Variants in ACSS3 observed in about 807,000 individuals in gnomAD.
The protein encoded by ACSS3 is acyl-CoA synthetase short chain family member 3, also known as acyl-CoA synthetase short-chain family member 3, mitochondrial.
ACSS3 carries 64 observed loss-of-function variants against 84.2 expected under a neutral mutation model. The ratio of observed to expected loss-of-function variants is 0.76; its 90% CI spans 0.62 to 0.94. The LOEUF is 0.94. ACSS3 is among the 40% of genes least tolerant of loss of function. The pLI, the probability that ACSS3 is intolerant of heterozygous loss-of-function variation, is 0.00. For missense variants in ACSS3, 815 were observed against 867.6 expected, an observed-to-expected ratio of 0.94 and a Z score of 0.76; for synonymous variants, 317 against 310.1, an observed-to-expected ratio of 1.02 and a Z score of -0.23.
intron 2 of ACSS3, among the ~76,000 whole-genome samples, chr12:81,115,156 GA>G (rs1418125403): frequency 1.3e-5 from 2 of 152,098 alleles, no homozygotes; most frequent in African/African-American, 4.8e-5. Context: ...AAATTTTGTT[GA>G]CAATATTTAT....
At chr12:81,106,973 G>C (rs1413344959) in intron 1 of ACSS3, among the ~76,000 whole-genome samples, 1 of 150,302 alleles carries the variant, frequency 6.7e-6, no homozygotes, top group Non-Finnish European at 1.5e-5. Flanking sequence ...GGAGGAGCAA[G>C]TTTGCAGTTG....
chr12:81,144,088 A>G (rs1280249785), intron 5 of ACSS3, among the ~76,000 whole-genome samples: 1 of 152,196 alleles, frequency 6.6e-6, no homozygotes, highest in Non-Finnish European at 1.5e-5. Flanking sequence ...TTAGATTGCT[A>G]TAGCATCAGT....
intron 2 of ACSS3, among the ~76,000 whole-genome samples, chr12:81,125,221 A>AAAAC (rs1565990624): frequency 3.4e-4 from 52 of 152,108 alleles, no homozygotes; most frequent in African/African-American, 1.1e-3. Context: ...CTCAAAAAAA[A>AAAAC]AAAACAAAAC....
At chr12:81,172,678 A>T (rs1472981696) in intron 7 of ACSS3, among the ~76,000 whole-genome samples, 1 of 152,192 alleles carries the variant, frequency 6.6e-6, no homozygotes, top group Non-Finnish European at 1.5e-5. Flanking sequence ...TGTCATAATT[A>T]TCTAAAACAT....
intron 8 of ACSS3, among the ~76,000 whole-genome samples, chr12:81,181,768 A>AAAAAAAAAAAAAAAAAAAG (rs1555178623): frequency 7.0e-6 from 1 of 143,612 alleles, no homozygotes; most frequent in Non-Finnish European, 1.5e-5. Context: ...AAAAAAAAAA[A>AAAAAAAAAAAAAAAAAAAG]GCAATAGAGA....
At chr12:81,113,863 A>G (rs1883809300) in intron 2 of ACSS3, among the ~76,000 whole-genome samples, 1 of 152,116 alleles carries the variant, frequency 6.6e-6, no homozygotes, top group African/African-American at 2.4e-5. Flanking sequence ...TCTAGAGGAC[A>G]TGTATGTTTT....
chr12:81,141,902 A>C (rs1342936501), intron 4 of ACSS3, among the ~76,000 whole-genome samples: 1 of 152,202 alleles, frequency 6.6e-6, no homozygotes, highest in Non-Finnish European at 1.5e-5. Flanking sequence ...TGAAACTTCA[A>C]CTTGATACAG....
chr12:81,192,267 G>T (rs1007002494), intron 8 of ACSS3, among the ~76,000 whole-genome samples: 1 of 152,230 alleles, frequency 6.6e-6, no homozygotes, highest in Middle Eastern at 3.4e-3. Flanking sequence ...TGTAATCCCA[G>T]CTACTTGGGA....
At chr12:81,178,172 G>A (rs1345049991) in intron 8 of ACSS3, among the ~76,000 whole-genome samples, 4 of 150,992 alleles carry the variant, frequency 2.6e-5, no homozygotes, top group Non-Finnish European at 5.9e-5. Flanking sequence ...TAGGGACATG[G>A]ATGAAATTGG....
At chr12:81,142,794 A>G (rs541002693) in intron 4 of ACSS3, among the ~76,000 whole-genome samples, 2 of 152,230 alleles carry the variant, frequency 1.3e-5, no homozygotes, top group Non-Finnish European at 2.9e-5. Context: ...TAAAAACATG[A>G]AACGTTATTT....
At chr12:81,118,353 G>C (rs973600101) in intron 2 of ACSS3, among the ~76,000 whole-genome samples, 2 of 152,134 alleles carry the variant, frequency 1.3e-5, no homozygotes, top group African/African-American at 4.8e-5. Flanking sequence ...TCATCTTATA[G>C]CTCATTGCCT....
chr12:81,254,877 CCCCAG>C lies in ACSS3; in HGVS notation c.2018_2022del (p.Pro673HisfsTer25). The C allele has an allele frequency of 6.2e-7, 1 of 1,608,970 alleles. No homozygotes were observed. Among genetic ancestry groups the C allele is most frequent in the Non-Finnish European group, 8.5e-7 (1 of 1,177,554 alleles). ...TCCAGATAACTTCTACAATTGAAGACCCCAGCATTTTTGGCCACGTAGAAGAAATG... is the reference window on the plus strand; with the variant it reads ...TCCAGATAACTTCTACAATTGAAGACCATTTTTGGCCACGTAGAAGAAATG... On this transcript the variant is annotated frameshift_variant, in exon 16 of 16. Coordinates refer to ENST00000548058, the MANE Select transcript of ACSS3 (RefSeq NM_024560.4). LOFTEE classifies it high-confidence loss of function.
At chr12:81,089,365 C>T (rs910589217) in intron 1 of ACSS3, among the ~76,000 whole-genome samples, 10 of 151,758 alleles carry the variant, frequency 6.6e-5, no homozygotes, top group African/African-American at 2.4e-4. Context: ...GTGGAGAAAC[C>T]TTGATTAATG....
In ACSS3 at chr12:81,255,133, T is replaced by C. The variant is rs1248539085; in HGVS notation, c.*211T>C. 8 of 437,194 alleles carry C rather than the reference T, an allele frequency of 1.8e-5. No individual in the cohort carries two copies. The highest frequency in any genetic ancestry group is 2.8e-5 in the Non-Finnish European group (7 of 248,156). 27.1% of individuals were successfully genotyped at this position (437,194 alleles called of 1,614,324 possible). A position where few individuals can be genotyped will look rare whatever the true frequency, so the allele number is the denominator to read the frequency against. The stretch of plus-strand genomic sequence containing the variant: ...ACCCTGTTAGCATTGTTATTAGTTA[T>C]CTATAACATGGCTTATTGAATGTCA... On this transcript the variant is annotated 3_prime_UTR_variant, in exon 16 of 16. Coordinates refer to ENST00000548058, the MANE Select transcript of ACSS3 (RefSeq NM_024560.4).
chr12:81,193,911 G>A lies in ACSS3; in HGVS notation c.1251-5430G>A, dbSNP rs12310908. 4.1e-3 allele frequency among the ~76,000 whole-genome samples: 626 copies of A among 151,506 alleles called. 2 individuals carry two copies. The highest frequency in any genetic ancestry group is 0.014 in the African/African-American group (577 of 41,352). On this transcript the variant is annotated intron_variant, in intron 8 of 15. Coordinates refer to ENST00000548058, the MANE Select transcript of ACSS3 (RefSeq NM_024560.4). Reference sequence around the variant, plus strand: ...CTTAGGTAAATTTACCATCCAGAGGGCCCAAATTACTCTACAAAAATGTCT... The same window carrying A: ...CTTAGGTAAATTTACCATCCAGAGGACCCAAATTACTCTACAAAAATGTCT...
At chr12:81,233,055 A>C (rs1262411490) in intron 12 of ACSS3, among the ~76,000 whole-genome samples, 1 of 151,714 alleles carries the variant, frequency 6.6e-6, no homozygotes. Context: ...ATTAGTATTG[A>C]GCTATTACTT....
At chr12:81,196,754 C>G (rs1192693157) in intron 8 of ACSS3, among the ~76,000 whole-genome samples, 1 of 152,022 alleles carries the variant, frequency 6.6e-6, no homozygotes, top group African/African-American at 2.4e-5. Flanking sequence ...GAGCAGGCAT[C>G]TCACATAGCG....
rs1033035321 is a variant in ACSS3 at position 81,193,330 on chromosome 12, C to G, written c.1251-6011C>G. 3.3e-5 allele frequency among the ~76,000 whole-genome samples: 5 copies of G among 151,958 alleles called. No individual in the cohort carries two copies. The South Asian group carries it at 1.0e-3, about 31-fold the overall frequency. Reference sequence around the variant, plus strand: ...TTATGGACCTTGAAGGAAATATTCACTTTTATTTTTTATTTTTTTGCCCTC... The same window carrying G: ...TTATGGACCTTGAAGGAAATATTCAGTTTTATTTTTTATTTTTTTGCCCTC... On this transcript the variant is annotated intron_variant, in intron 8 of 15. Coordinates refer to ENST00000548058, the MANE Select transcript of ACSS3 (RefSeq NM_024560.4).
In ACSS3 at chr12:81,216,927, T is replaced by C. The variant is rs752879154; in HGVS notation, c.1381T>C (p.Cys461Arg). ...TETGSPITAS[C>R]VGLGNSKTPP... ...GACTGGATCTCCAATTACTGCGTCA[T>C]GTGTTGGATTAGGCAATTCTAAAAC... Residue 461 changes from cysteine to arginine, a missense_variant, in exon 10 of 16, where the codon TGT (cysteine) becomes CGT (arginine). Cys to Arg is a radical substitution (Grantham distance 180). Transcript: ENST00000548058. 1.2e-6 allele frequency: 2 copies of C among 1,610,900 alleles called. No homozygotes were observed.
Sources: gnomAD v4.1 joint callset for allele counts (sites outside exome capture counted in the v4.1 genomes callset) on GRCh38, gnomAD v4.1.1 for gene constraint, MANE v1.5 for transcripts, NCBI Gene and HGNC (gene_info 2026-07-23, HGNC 2026-07-21) for gene names.